The following PDE4C variants were observed in gnomAD, a reference collection of about 807,000 sequenced individuals.
PDE4C encodes the protein phosphodiesterase 4C, also known as 3',5'-cyclic-AMP phosphodiesterase 4C.
A neutral mutation model predicts 63.9 loss-of-function variants in PDE4C; 50 were observed. The ratio of observed to expected loss-of-function variants is 0.78; its 90% CI spans 0.62 to 0.99. The LOEUF (loss-of-function observed/expected upper bound fraction) is 0.99, where lower values mean the gene tolerates loss of function less well. Among genes scored for constraint, PDE4C ranks in the 50% least tolerant of loss-of-function variants. The probability of loss-of-function intolerance (pLI) is 0.00; values close to 1 mark genes in which losing one functional copy is unlikely to be tolerated. For missense variants in PDE4C, 777 were observed against 899.1 expected (o/e 0.86, Z 1.74); for synonymous variants, 377 against 385.1 (o/e 0.98, Z 0.25).
chr19:18,218,026 T>C (rs1968277519), intron 11 of PDE4C, 123 bp downstream of exon 11: 2 of 744,514 alleles, frequency 2.7e-6, no homozygotes, highest in East Asian at 2.5e-5. Context: ...AAAACTGTCA[T>C]AGTCATTTCA....
At chr19:18,213,331 T>G (rs1021126911) in intron 13 of PDE4C, 37 bp downstream of exon 13, 1 of 1,544,986 alleles carries the variant, frequency 6.5e-7, no homozygotes, top group Middle Eastern at 1.8e-4. Flanking sequence ...AAACCAAAAT[T>G]TAAAAAGGAA....
chr19:18,235,659 T>A (rs1283083928), upstream of PDE4C, among the ~76,000 whole-genome samples: 1 of 152,114 alleles, frequency 6.6e-6, no homozygotes, highest in African/African-American at 2.4e-5. Context: ...CCACAGGGAA[T>A]TTTTTAATGC....
chr19:18,233,717 A>T, upstream of PDE4C: 1 of 345,016 alleles, frequency 2.9e-6, no homozygotes, highest in Non-Finnish European at 5.7e-6. Context: ...CCGCGACCTG[A>T]TGGTGCTGAA....
the PDE4C span, chr19:18,255,304 C>T: frequency 2.5e-6 from 1 of 399,296 alleles, no homozygotes; most frequent in African/African-American, 2.0e-5. This position sits in a 1 kb window ranked among gnomAD's most constrained non-coding sequence, Gnocchi z 4.6. Context: ...TGGGGGCACG[C>T]CATTCCTGCG....
At chr19:18,215,414 G>A (rs528708656) in intron 12 of PDE4C, among the ~76,000 whole-genome samples, 2 of 151,862 alleles carry the variant, frequency 1.3e-5, no homozygotes, top group African/African-American at 4.8e-5. Context: ...GCACACAATA[G>A]GTGCTCAATA....
exon 1 of PDE4C, chr19:18,233,248 C>T (rs917174909): frequency 6.5e-7 from 1 of 1,540,638 alleles, no homozygotes; most frequent in Non-Finnish European, 8.7e-7. Context: ...CGTGAGCGGG[C>T]GCCGAGGAGC....
intron 12 of PDE4C, among the ~76,000 whole-genome samples, chr19:18,214,968 A>C (rs1375331075): frequency 7.1e-6 from 1 of 141,836 alleles, no homozygotes; most frequent in Non-Finnish European, 1.6e-5. Context: ...AAAAAAAAAA[A>C]CTTAACCCAC....
rs1420453374 is a variant in PDE4C, at chr19:18,243,254, T to C, written c.-210+4917A>G. ...CCTCCCGAGTAGCTGGGATTACAGG[T>C]GCCCACCACCATGCCCAATTAATTG... On this transcript the variant is annotated intron_variant, in intron 1 of 15. Transcript: ENST00000594617. 5.3e-5 allele frequency among the ~76,000 whole-genome samples: 8 copies of C among 151,994 alleles called. No homozygotes were observed. In the East Asian group the frequency reaches 1.2e-3, roughly 22 times the overall value.
the PDE4C span, among the ~76,000 whole-genome samples, chr19:18,254,385 G>A: frequency 6.6e-6 from 1 of 152,226 alleles, no homozygotes; most frequent in Non-Finnish European, 1.5e-5. Flanking sequence ...CTGGCACTGA[G>A]TAGGCACTGG....
At chr19:18,211,670 C>T in intron 14 of PDE4C, 89 bp downstream of exon 14, 1 of 1,483,022 alleles carries the variant, frequency 6.7e-7, no homozygotes, top group Non-Finnish European at 9.3e-7. Context: ...GCTAGCCAGC[C>T]AGGGCCAAAC....
chr19:18,232,968 G>A, exon 1 of PDE4C: 1 of 1,483,992 alleles, frequency 6.7e-7, no homozygotes, highest in Non-Finnish European at 9.0e-7. Flanking sequence ...GGAGGAAACG[G>A]GCCAGGAGAG....
upstream of PDE4C, among the ~76,000 whole-genome samples, chr19:18,251,676 A>ACCCCCCCCCCCCCCCCC (rs1969230557): frequency 4.2e-5 from 1 of 23,568 alleles, no homozygotes; most frequent in African/African-American, 1.1e-4. Context: ...CTCGTGATAC[A>ACCCCCCCCCCCCCCCCC]CGCCCCCCCC....
At chr19:18,223,129 A>G (rs560237704) in intron 1 of PDE4C, among the ~76,000 whole-genome samples, 2 of 147,796 alleles carry the variant, frequency 1.4e-5, no homozygotes, top group East Asian at 2.0e-4. Flanking sequence ...TGCAACCTCC[A>G]CCTCCCGGGT....
At chr19:18,211,335 ATCCAGCC>A in intron 14 of PDE4C, 59 bp from the exon 15 acceptor site, 1 of 1,397,874 alleles carries the variant, frequency 7.2e-7, no homozygotes, top group South Asian at 1.4e-5. Flanking sequence ...CCTAGACTCA[ATCCAGCC>A]TCCAGATCTT....
chr19:18,234,905 C>A (rs1016030754), upstream of PDE4C, among the ~76,000 whole-genome samples: 5 of 152,148 alleles, frequency 3.3e-5, no homozygotes, highest in African/African-American at 1.2e-4. Flanking sequence ...TTCTCCACCC[C>A]CCCACCACTC....
intron 11 of PDE4C, 24 bp from the exon 12 acceptor site, chr19:18,216,919 C>A (rs1471745988): frequency 6.4e-7 from 1 of 1,573,238 alleles, no homozygotes; most frequent in Admixed American, 1.8e-5. Context: ...GGACTGAGAG[C>A]CCCAAGATCC....
chr19:18,217,950 C>A (rs1328922811), intron 11 of PDE4C, among the ~76,000 whole-genome samples, 199 bp downstream of exon 11: 2 of 152,114 alleles, frequency 1.3e-5, no homozygotes, highest in African/African-American at 4.8e-5. Context: ...TGCCACAGCT[C>A]ATTATTCTGT....
downstream of PDE4C, chr19:18,208,584 G>C (rs1420483251): frequency 6.6e-6 from 1 of 152,104 alleles, no homozygotes; most frequent in African/African-American, 2.4e-5. Flanking sequence ...CTGGCAAGAG[G>C]ACCTCTCTGC....
intron 1 of PDE4C, among the ~76,000 whole-genome samples, chr19:18,241,308 C>T (rs1180641908): frequency 7.8e-6 from 1 of 128,292 alleles, no homozygotes; most frequent in Non-Finnish European, 1.6e-5. Context: ...GCTCTGTCGC[C>T]CAGGCTGGAG....
Sources: gnomAD v4.1 joint callset for allele counts (sites outside exome capture counted in the v4.1 genomes callset) on GRCh38, gnomAD v4.1.1 for gene constraint, Gnocchi (gnomAD v3.1) non-coding constraint, MANE v1.5 for transcripts, NCBI Gene and HGNC (gene_info 2026-07-23, HGNC 2026-07-21) for gene names.